Variants in RBM5 observed in about 807,000 individuals in gnomAD.
The protein encoded by RBM5 is RNA-binding protein 5.
RBM5 carries 15 observed loss-of-function variants against 124.6 expected under a neutral mutation model. The ratio of observed to expected loss-of-function variants is 0.12; its 90% CI spans 0.08 to 0.19. The LOEUF (loss-of-function observed/expected upper bound fraction) is 0.19. Among genes scored for constraint, RBM5 ranks in the 10% least tolerant of loss-of-function variants. The probability of loss-of-function intolerance (pLI) is 1.00; values close to 1 mark genes in which losing one functional copy is unlikely to be tolerated. For missense variants in RBM5, 580 were observed against 1,026.5 expected (o/e 0.57, Z 5.94); for synonymous variants, 337 against 361.2 (o/e 0.93, Z 0.76).
chr3:50,092,485 C>G (rs1480486314), intron 3 of RBM5, among the ~76,000 whole-genome samples: 1 of 151,056 alleles, frequency 6.6e-6, no homozygotes, highest in Non-Finnish European at 1.5e-5. Context: ...CACTTGAAAC[C>G]TGGGAGGCGG....
At position 50,114,259 on chromosome 3, in the gene RBM5, A is replaced by T; in HGVS notation, c.1839+8A>T. The T allele has an allele frequency of 6.3e-7, 1 of 1,597,954 alleles. No homozygotes were observed. The highest frequency in any genetic ancestry group is 2.2e-5 in the East Asian group (1 of 44,844). On this transcript the variant is annotated splice_region_variant and intron_variant, in intron 20 of 24. Coordinates refer to ENST00000347869, the MANE Select transcript of RBM5 (RefSeq NM_005778.4). ...GAGGAGAATCCCCTCAAAGTAAGGG[A>T]GTACCACCAGTGTTTTAAAGACCCT...
intron 4 of RBM5, among the ~76,000 whole-genome samples, chr3:50,094,819 G>A (rs558255831): frequency 3.2e-4 from 48 of 152,296 alleles, no homozygotes; most frequent in Admixed American, 1.4e-3. Context: ...TTTTGGATTA[G>A]GGTTGCTCAA....
chr3:50,103,244 C>A lies in RBM5; in HGVS notation c.567+78C>A, dbSNP rs925344915. The A allele has an allele frequency of 3.4e-6, 4 of 1,176,474 alleles. No homozygotes were observed. In the South Asian group the frequency reaches 5.1e-5, roughly 15 times the overall value. 72.9% of individuals were successfully genotyped at this position (1,176,474 alleles called of 1,614,324 possible). A position where few individuals can be genotyped will look rare whatever the true frequency, so the allele number is the denominator to read the frequency against. ...TTTTTCTGTTTGTTTATTTGACTGT[C>A]CAAACAAGGAAATTGTTACTCAATC... On this transcript the variant is annotated intron_variant, in intron 7 of 24. Coordinates refer to ENST00000347869, the MANE Select transcript of RBM5 (RefSeq NM_005778.4).
At chr3:50,098,311 C>T (rs1559681402) in intron 4 of RBM5, among the ~76,000 whole-genome samples, 1 of 152,054 alleles carries the variant, frequency 6.6e-6, no homozygotes, top group Non-Finnish European at 1.5e-5. Flanking sequence ...CACTTTGTCA[C>T]CCAGGCTGGA....
Position 50,113,562 on chromosome 3 carries a change from A to G in RBM5, c.1617+18A>G. 1 of 1,597,088 alleles carries G rather than the reference A, an allele frequency of 6.3e-7. No individual in the cohort carries two copies. On this transcript the variant is annotated intron_variant, in intron 18 of 24. Transcript: ENST00000347869. ...CCCAGCAGGTTAGAACATGACCCAT[A>G]TTTCTTTCATTGAGGTATTGGGCTG...
intron 4 of RBM5, among the ~76,000 whole-genome samples, chr3:50,096,077 A>G (rs1376267521): frequency 6.6e-6 from 1 of 152,174 alleles, no homozygotes; most frequent in East Asian, 1.9e-4. Flanking sequence ...GATCCACTGC[A>G]CATCTGCTAC....
At chr3:50,108,513 C>T (rs2091081347) in intron 14 of RBM5, among the ~76,000 whole-genome samples, 1 of 152,114 alleles carries the variant, frequency 6.6e-6, no homozygotes, top group Admixed American at 6.5e-5. Context: ...TCAAGACCAG[C>T]CTGGCCAACA....
chr3:50,114,112 A>T lies in RBM5; in HGVS notation c.1767+13A>T. The T allele has an allele frequency of 6.2e-7, 1 of 1,613,558 alleles. No individual in the cohort carries two copies. Among genetic ancestry groups the T allele is most frequent in the Non-Finnish European group, 8.5e-7 (1 of 1,179,554 alleles). On this transcript the variant is annotated intron_variant, in intron 19 of 24. Transcript: ENST00000347869. ...CTTTGAGAAGAAGGTAATAGCAGGAATGGCCAGTATGTCATGATGGGAACT... is the reference window on the plus strand; with the variant it reads ...CTTTGAGAAGAAGGTAATAGCAGGATTGGCCAGTATGTCATGATGGGAACT...
intron 18 of RBM5, among the ~76,000 whole-genome samples, 162 bp from the exon 19 acceptor site, chr3:50,113,788 T>TA: frequency 6.6e-6 from 1 of 152,362 alleles, no homozygotes; most frequent in East Asian, 1.9e-4. Context: ...ATGAATGACT[T>TA]TGGTTATATG....
rs1218488268 is a variant in RBM5 at position 50,114,267 on chromosome 3, C to T, written c.1839+16C>T. On this transcript the variant is annotated intron_variant, in intron 20 of 24. Transcript: ENST00000347869. ...TCCCCTCAAAGTAAGGGAGTACCAC[C>T]AGTGTTTTAAAGACCCTATCTGTGG... is the stretch of plus-strand genomic sequence containing the variant. 1.3e-6 allele frequency: 2 copies of T among 1,594,266 alleles called. No homozygotes were observed. The highest frequency in any genetic ancestry group is 1.4e-5 in the African/African-American group (1 of 73,448).
chr3:50,110,382 G>A lies in RBM5; in HGVS notation c.1282G>A (p.Glu428Lys). Residue 428 changes from glutamate (E) to lysine (K), a missense_variant, in exon 16 of 25, where the codon GAG becomes AAG. Around this residue, in one of 6 missense-constraint regions of RBM5, gnomAD observed 104 missense variants for 128.7 expected, o/e 0.81. Transcript: ENST00000347869. ...QTSNPPGSPT[E>K]EAQPSTSTST... Reference sequence around the variant, plus strand: ...TTGAAGCTGCTGTTCTTTCCAGACTGAGGAAGCACAGCCTAGCACTAGCAC... The same window carrying A: ...TTGAAGCTGCTGTTCTTTCCAGACTAAGGAAGCACAGCCTAGCACTAGCAC... The A allele has an allele frequency of 6.2e-7, 1 of 1,614,020 alleles. No homozygotes were observed. Among genetic ancestry groups the A allele is most frequent in the Non-Finnish European group, 8.5e-7 (1 of 1,179,934 alleles).
chr3:50,098,902 T>G (rs1393101846), intron 4 of RBM5, among the ~76,000 whole-genome samples: 1 of 152,066 alleles, frequency 6.6e-6, no homozygotes, highest in East Asian at 1.9e-4. Flanking sequence ...ACAGGGAGAT[T>G]AGACTAAAGG....
Position 50,107,363 on chromosome 3 carries a change from TGTG to T in RBM5, c.954-117_954-115del, listed in dbSNP as rs2091052293. The T allele has an allele frequency of 3.8e-6, 3 of 786,940 alleles. No homozygotes were observed. The East Asian group carries it at 7.5e-5, about 20-fold the overall frequency. 48.7% of individuals were successfully genotyped at this position (786,940 alleles called of 1,614,324 possible). A position where few individuals can be genotyped will look rare whatever the true frequency, so the allele number is the denominator to read the frequency against. The stretch of plus-strand genomic sequence containing the variant: ...CATGAAGAGCCCTCCCCCTGTGAAA[TGTG>T]GCCTTGCTGGCATTTGAGAACTGAC... On this transcript the variant is annotated intron_variant, in intron 11 of 24. Coordinates refer to ENST00000347869, the MANE Select transcript of RBM5 (RefSeq NM_005778.4).
chr3:50,097,182 T>G (rs1453530606), intron 4 of RBM5, among the ~76,000 whole-genome samples: 1 of 151,880 alleles, frequency 6.6e-6, no homozygotes, highest in Non-Finnish European at 1.5e-5. Flanking sequence ...GATCACAAGG[T>G]CAGGAGATCG....
Position 50,108,220 on chromosome 3 carries a change from A to C in RBM5, c.1120-12A>C. The C allele has an allele frequency of 6.2e-7, 1 of 1,611,362 alleles. No individual in the cohort carries two copies. The highest frequency in any genetic ancestry group is 8.5e-7 in the Non-Finnish European group (1 of 1,177,456). ...CTGAGAATAGCAGCTTTAATGGTGG[A>C]CTTTTCTTCAGTATTCACAGGATTA... On this transcript the variant is annotated splice_polypyrimidine_tract_variant and intron_variant, in intron 13 of 24. Transcript: ENST00000347869.
At chr3:50,092,319 T>G (rs1431556838) in intron 3 of RBM5, 111 bp downstream of exon 3, 1 of 1,254,002 alleles carries the variant, frequency 8.0e-7, no homozygotes, top group South Asian at 1.5e-5. Flanking sequence ...CCTATCACTT[T>G]GGGAGGCCAA....
rs145867347 is a variant in RBM5 at position 50,107,977 on chromosome 3, C to T, written c.1042-93C>T. The T allele has an allele frequency of 1.8e-4, 198 of 1,079,346 alleles. 1 individual carries two copies. The African/African-American group carries it at 2.4e-3, about 13-fold the overall frequency. 66.9% of individuals were successfully genotyped at this position (1,079,346 alleles called of 1,614,324 possible). A position where few individuals can be genotyped will look rare whatever the true frequency, so the allele number is the denominator to read the frequency against. ...CTGGGATTACAGCCGTGAGCCACAG[C>T]GCCCAGCATCATGAGCTCATTTTTA... On this transcript the variant is annotated intron_variant, in intron 12 of 24. Coordinates refer to ENST00000347869, the MANE Select transcript of RBM5 (RefSeq NM_005778.4).
At position 50,100,776 on chromosome 3, in the gene RBM5, A is replaced by G. The variant is rs2090922978; in HGVS notation, c.483+171A>G. 6.3e-6 allele frequency: 3 copies of G among 474,694 alleles called. No individual in the cohort carries two copies. Among genetic ancestry groups the G allele is most frequent in the Non-Finnish European group, 1.1e-5 (3 of 272,216 alleles). The allele number at this position is 474,694 out of a possible 1,614,324, so 29.4% of individuals were successfully genotyped here. A position where few individuals can be genotyped will look rare whatever the true frequency, so the allele number is the denominator to read the frequency against. On this transcript the variant is annotated intron_variant, in intron 6 of 24. Transcript: ENST00000347869. The surrounding 1 kb of genome is among the most constrained non-coding windows in gnomAD (Gnocchi z 5.1). ...GAATAAGTACAGTACCAAGGACTTC[A>G]TTATAGAATTTGTTCTGCCTTTAAA... is the stretch of plus-strand genomic sequence containing the variant.
intron 4 of RBM5, among the ~76,000 whole-genome samples, chr3:50,097,231 T>TA (rs1323403802): frequency 1.3e-5 from 2 of 151,982 alleles, no homozygotes; most frequent in Non-Finnish European, 2.9e-5. Flanking sequence ...CTGTCTCTAC[T>TA]AAAACTACAA....
Sources: allele counts gnomAD v4.1 joint callset (sites outside exome capture counted in the v4.1 genomes callset), GRCh38; gene constraint gnomAD v4.1.1; regional missense constraint gnomAD v4.1.1; non-coding constraint Gnocchi (gnomAD v3.1); transcripts MANE v1.5; gene names NCBI Gene and HGNC (gene_info 2026-07-23, HGNC 2026-07-21).